ZMYM5: variants seen among roughly 807,000 people sequenced by gnomAD.
ZMYM5 encodes the protein zinc finger MYM-type protein 5.
ZMYM5 carries 41 observed loss-of-function variants against 61.8 expected under a neutral mutation model. That is an observed-to-expected ratio of 0.66 (90% CI 0.52 to 0.86). The LOEUF is 0.86. Ranked by LOEUF, ZMYM5 falls within the 40% of genes least tolerant of loss-of-function variation. The pLI is 0.00. For synonymous variants in ZMYM5, 257 were observed against 276.4 expected (o/e 0.93, Z 0.70); for missense variants, 706 against 786.7 (o/e 0.90, Z 1.23).
chr13:19,840,866 A>G (rs890374647), intron 4 of ZMYM5, among the ~76,000 whole-genome samples: 1 of 151,596 alleles, frequency 6.6e-6, no homozygotes, highest in African/African-American at 2.4e-5. Flanking sequence ...TTTAGTAGAG[A>G]CGGGGTTTCA....
At chr13:19,827,813 C>T (rs770789772) in intron 7 of ZMYM5, among the ~76,000 whole-genome samples, 13 of 150,856 alleles carry the variant, frequency 8.6e-5, no homozygotes, top group Non-Finnish European at 1.0e-4. Context: ...GGGCGGATCA[C>T]GAGGTCAGGA....
rs1322461027 is a variant in ZMYM5, at chr13:19,837,790, G to T, written c.904C>A (p.Leu302Ile). ...AAGGATTTGCTTGATTCTACTGGAA[G>T]AATGACATTAGCCTTCTTTGTAGAT... The part of the protein sequence containing the change: ...DASTKKANVI[L>I]PVESSKSFQE... Residue 302 changes from leucine to isoleucine, a missense_variant, in exon 6 of 8, where the codon CTT becomes ATT. Leu to Ile is a conservative substitution (Grantham distance 5, BLOSUM62 2). This residue lies in a region of ZMYM5 where 480 missense variants were observed against 461.7 expected (regional missense o/e 1.04). Coordinates refer to ENST00000337963, the MANE Select transcript of ZMYM5 (RefSeq NM_001142684.2). The T allele has an allele frequency of 6.3e-7, 1 of 1,593,686 alleles. No homozygotes were observed. The highest frequency in any genetic ancestry group is 8.5e-7 in the Non-Finnish European group (1 of 1,175,696).
At chr13:19,832,220 G>A (rs542772245) in intron 7 of ZMYM5, among the ~76,000 whole-genome samples, 3 of 152,028 alleles carry the variant, frequency 2.0e-5, no homozygotes, top group Admixed American at 6.6e-5. Flanking sequence ...TATAATCTAC[G>A]TGTAATTCTT....
At position 19,825,032 on chromosome 13, in the gene ZMYM5, A is replaced by G; in HGVS notation, c.1455T>C (p.Asn485=). The G allele has an allele frequency of 2.9e-6, 4 of 1,367,672 alleles. No homozygotes were observed. The highest frequency in any genetic ancestry group is 2.1e-4 in the Middle Eastern group (1 of 4,768). The allele number at this position is 1,367,672 out of a possible 1,614,324, so 84.7% of individuals were successfully genotyped here. The part of the protein sequence containing the change: ...CGTDTLLIQE[N]VNLPPSSTST... The stretch of plus-strand genomic sequence containing the variant: ...ACGTGGAAGAAGGAGGTAAATTCAC[A>G]TTCTCTTGGATCAGTAATGTATCCG... Residue 485 remains asparagine (N), a synonymous_variant, in exon 8 of 8, where the codon AAT becomes AAC. Transcript: ENST00000337963.
chr13:19,855,453 G>A (rs1953467089), intron 2 of ZMYM5, among the ~76,000 whole-genome samples: 1 of 151,484 alleles, frequency 6.6e-6, no homozygotes, highest in South Asian at 2.1e-4. Flanking sequence ...TAGTAGAGAC[G>A]GGGTTTCACC....
intron 4 of ZMYM5, among the ~76,000 whole-genome samples, chr13:19,842,481 C>G (rs1952911583): frequency 6.6e-6 from 1 of 151,970 alleles, no homozygotes; most frequent in Admixed American, 6.6e-5. Flanking sequence ...TTAAAGCTTC[C>G]TGGTAAAACC....
chr13:19,840,485 C>T (rs1952829268), intron 4 of ZMYM5, among the ~76,000 whole-genome samples: 1 of 152,238 alleles, frequency 6.6e-6, no homozygotes, highest in Non-Finnish European at 1.5e-5. Context: ...GCGATCCTCC[C>T]ATCTCAGCTT....
At position 19,852,282 on chromosome 13, in the gene ZMYM5, T is replaced by A. The variant is rs1002083689; in HGVS notation, c.-10-92A>T. 5 of 1,358,932 alleles carry A rather than the reference T, an allele frequency of 3.7e-6. No individual in the cohort carries two copies. The African/African-American group carries it at 7.2e-5, about 20-fold the overall frequency. 84.2% of individuals were successfully genotyped at this position (1,358,932 alleles called of 1,614,324 possible). A position where few individuals can be genotyped will look rare whatever the true frequency, so the allele number is the denominator to read the frequency against. On this transcript the variant is annotated intron_variant, in intron 2 of 7. Transcript: ENST00000337963. ...AATAGCACAAGCAAATTTTTCAAAT[T>A]ATTTTTTGTGATACCTGATATCCAT... is the stretch of plus-strand genomic sequence containing the variant.
At chr13:19,855,197 A>G (rs927916500) in intron 2 of ZMYM5, among the ~76,000 whole-genome samples, 1 of 152,184 alleles carries the variant, frequency 6.6e-6, no homozygotes, top group African/African-American at 2.4e-5. Context: ...TCTACTAAAA[A>G]TGTTTAAAAA....
At chr13:19,860,728 A>T (rs1278664537) in intron 2 of ZMYM5, among the ~76,000 whole-genome samples, 1 of 151,834 alleles carries the variant, frequency 6.6e-6, no homozygotes, top group Non-Finnish European at 1.5e-5. Flanking sequence ...GTGAGCCACC[A>T]TGCCCAGCCA....
chr13:19,831,145 G>A (rs1398984606), intron 7 of ZMYM5, among the ~76,000 whole-genome samples: 1 of 66,284 alleles, frequency 1.5e-5, no homozygotes, highest in Non-Finnish European at 3.6e-5. Flanking sequence ...TTTTTTTTTT[G>A]AGACAAGGTC....
At chr13:19,851,080 G>A (rs1953274410) in intron 4 of ZMYM5, among the ~76,000 whole-genome samples, 1 of 151,898 alleles carries the variant, frequency 6.6e-6, no homozygotes, top group Non-Finnish European at 1.5e-5. Flanking sequence ...GTGGTGGCAG[G>A]CGCCTGTAAT....
At chr13:19,829,852 G>A (rs745992883) in intron 7 of ZMYM5, among the ~76,000 whole-genome samples, 8 of 151,882 alleles carry the variant, frequency 5.3e-5, no homozygotes, top group Non-Finnish European at 1.2e-4. Context: ...TTTCCTCCCA[G>A]CTTTAGGTAT....
intron 2 of ZMYM5, among the ~76,000 whole-genome samples, chr13:19,855,784 G>A (rs1953480749): frequency 6.6e-6 from 1 of 151,298 alleles, no homozygotes; most frequent in Non-Finnish European, 1.5e-5. Context: ...GGCCAAGGTG[G>A]GTGGATCATG....
intron 2 of ZMYM5, among the ~76,000 whole-genome samples, chr13:19,860,648 G>A (rs1445573268): frequency 6.6e-6 from 1 of 151,856 alleles, no homozygotes; most frequent in African/African-American, 2.4e-5. Context: ...ATGTTGACCA[G>A]GCTAGTCTCG....
At chr13:19,830,882 C>T (rs1352527045) in intron 7 of ZMYM5, among the ~76,000 whole-genome samples, 2 of 150,878 alleles carry the variant, frequency 1.3e-5, no homozygotes, top group African/African-American at 2.4e-5. Context: ...CACTGTCCCC[C>T]AGGCTGGAGT....
At chr13:19,837,075 A>G (rs1314552636) in intron 6 of ZMYM5, among the ~76,000 whole-genome samples, 2 of 149,468 alleles carry the variant, frequency 1.3e-5, no homozygotes, top group Non-Finnish European at 3.0e-5. Flanking sequence ...TCTATCACCC[A>G]GGCTGGAGTA....
intron 5 of ZMYM5, 60 bp downstream of exon 5, chr13:19,838,640 G>A (rs1952751828): frequency 6.4e-7 from 1 of 1,565,162 alleles, no homozygotes; most frequent in African/African-American, 1.4e-5. Context: ...GTTATATTGA[G>A]TACTTATTTA....
chr13:19,852,249 T>A (rs150696327), intron 2 of ZMYM5, 59 bp from the exon 3 acceptor site: 99 of 1,443,306 alleles, frequency 6.9e-5, no homozygotes, highest in Non-Finnish European at 8.7e-5. Flanking sequence ...TGCATTTTAC[T>A]ACAATAAAAT....
Sources: allele counts gnomAD v4.1 joint callset (sites outside exome capture counted in the v4.1 genomes callset), GRCh38; gene constraint gnomAD v4.1.1; regional missense constraint gnomAD v4.1.1; transcripts MANE v1.5; gene names NCBI Gene and HGNC (gene_info 2026-07-23, HGNC 2026-07-21).